The following TRPC5 variants were observed in gnomAD, a reference collection of about 807,000 sequenced individuals.
TRPC5 encodes transient receptor potential cation channel subfamily C member 5.
TRPC5 carries 9 observed loss-of-function variants against 56.5 expected under a neutral mutation model. That is an observed-to-expected ratio of 0.16 (90% CI 0.10 to 0.28). The LOEUF (loss-of-function observed/expected upper bound fraction) is 0.28, where lower values mean the gene tolerates loss of function less well. Ranked by LOEUF, TRPC5 falls within the 10% of genes least tolerant of loss-of-function variation. The probability of loss-of-function intolerance (pLI) is 1.00; values close to 1 mark genes in which losing one functional copy is unlikely to be tolerated. For synonymous variants in TRPC5, 282 were observed against 278.5 expected (o/e 1.01, Z -0.13); for missense variants, 469 against 748.9 (o/e 0.63, Z 4.36).
At chrX:112,006,105 C>T (rs1041569307) in intron 1 of TRPC5, among the ~76,000 whole-genome samples, 15 of 111,492 alleles carry the variant, frequency 1.3e-4, no homozygotes, top group Non-Finnish European at 2.6e-4. Context: ...CATCAAGTTG[C>T]TCCCACACTA....
chrX:111,823,328 G>A (rs750551663), intron 7 of TRPC5, among the ~76,000 whole-genome samples: 1 of 111,721 alleles, frequency 9.0e-6, no homozygotes, highest in Non-Finnish European at 1.9e-5. Flanking sequence ...CCCCTGCAGC[G>A]TTTGCAGAGA....
At chrX:111,996,438 T>G (rs1401971408) in intron 1 of TRPC5, among the ~76,000 whole-genome samples, 2 of 111,995 alleles carry the variant, frequency 1.8e-5, no homozygotes, top group African/African-American at 6.5e-5. Context: ...TGCGATGTGG[T>G]GCTGAGAAGA....
At chrX:111,803,359 G>C (rs1248222583) in intron 7 of TRPC5, among the ~76,000 whole-genome samples, 1 of 112,086 alleles carries the variant, frequency 8.9e-6, no homozygotes, top group African/African-American at 3.2e-5. Flanking sequence ...ATAATCCTTT[G>C]GGTATATACC....
intron 3 of TRPC5, among the ~76,000 whole-genome samples, chrX:111,878,138 A>T (rs1033053861): frequency 9.9e-5 from 11 of 110,647 alleles, no homozygotes; most frequent in African/African-American, 3.6e-4. Flanking sequence ...CTCTTCTTGG[A>T]AGTTTTCCTG....
intron 7 of TRPC5, among the ~76,000 whole-genome samples, chrX:111,803,000 T>C (rs1426803388): frequency 9.0e-6 from 1 of 111,171 alleles, no homozygotes; most frequent in Non-Finnish European, 1.9e-5. Context: ...TTTCTCCTAA[T>C]GCTATCCCTC....
At chrX:111,929,837 A>G (rs935720652) in intron 2 of TRPC5, among the ~76,000 whole-genome samples, 11 of 112,436 alleles carry the variant, frequency 9.8e-5, no homozygotes, top group Non-Finnish European at 1.5e-4. Context: ...CCAACAGTTG[A>G]GGGATGAAGT....
chrX:111,796,333 T>G (rs1921091693), intron 7 of TRPC5, among the ~76,000 whole-genome samples: 1 of 112,070 alleles, frequency 8.9e-6, no homozygotes, highest in Admixed American at 9.5e-5. Context: ...ATCCAACTTC[T>G]TGGCTTCCTC....
At chrX:111,954,271 A>C (rs1264069175) in intron 1 of TRPC5, among the ~76,000 whole-genome samples, 1 of 112,171 alleles carries the variant, frequency 8.9e-6, no homozygotes, top group Non-Finnish European at 1.9e-5. Flanking sequence ...CTATTTATTT[A>C]ATCAATACAA....
rs1926760798 is a variant in TRPC5, at chrX:111,940,933, A to G, written c.378+11110T>C. Among the ~76,000 whole-genome samples, 8 of 111,425 alleles carry G rather than the reference A, an allele frequency of 7.2e-5. No homozygotes were observed. The Admixed American group carries it at 7.7e-4, about 11-fold the overall frequency. On this transcript the variant is annotated intron_variant, in intron 2 of 10. Coordinates refer to ENST00000262839, the MANE Select transcript of TRPC5 (RefSeq NM_012471.3). ...GTCCTGGTGGGTTTACAGAGGCTGC[A>G]CACTTGAGTGTCTTGATGTCCCCGC...
At chrX:111,960,973 G>A (rs1044147493) in intron 1 of TRPC5, among the ~76,000 whole-genome samples, 11 of 110,517 alleles carry the variant, frequency 1.0e-4, no homozygotes, top group African/African-American at 3.0e-4. Flanking sequence ...TACTATGCCC[G>A]GCTAAGTTTT....
chrX:112,009,210 C>G (rs7053062), intron 1 of TRPC5, among the ~76,000 whole-genome samples: 18,007 of 111,086 alleles, frequency 0.16, 2,363 homozygotes, highest in African/African-American at 0.44. Context: ...CCATGTGTCA[C>G]GTTTGAGTTG....
rs148873098 is a variant in TRPC5, at chrX:111,854,165, A to T, written c.901-59T>A. Reference sequence around the variant, plus strand: ...AATGTCCAGGAGAAAGTCTACTGTCATAATACCTTTCCTAGTTTACAGTCA... The same window carrying T: ...AATGTCCAGGAGAAAGTCTACTGTCTTAATACCTTTCCTAGTTTACAGTCA... On this transcript the variant is annotated intron_variant, in intron 3 of 10. Transcript: ENST00000262839. 3.2e-3 allele frequency: 3,494 copies of T among 1,090,600 alleles called. 68 individuals carry two copies. In the African/African-American group the frequency reaches 0.057, roughly 18 times the overall value. The allele number at this position is 1,090,600 out of a possible 1,213,427, so 89.9% of individuals were successfully genotyped here. A position where few individuals can be genotyped will look rare whatever the true frequency, so the allele number is the denominator to read the frequency against.
chrX:111,781,128 A>G (rs1231641628), intron 9 of TRPC5, 37 bp downstream of exon 9: 1 of 1,189,954 alleles, frequency 8.4e-7, no homozygotes, highest in African/African-American at 1.8e-5. Flanking sequence ...GAACCAGCCA[A>G]CAACTATTGT....
chrX:111,932,950 G>A (rs186625362), intron 2 of TRPC5, among the ~76,000 whole-genome samples: 2 of 111,571 alleles, frequency 1.8e-5, no homozygotes, highest in East Asian at 2.8e-4. Flanking sequence ...TTCCACTCCC[G>A]ACATCATTGT....
chrX:111,839,248 C>T (rs1348233853), intron 6 of TRPC5, among the ~76,000 whole-genome samples: 3 of 111,672 alleles, frequency 2.7e-5, no homozygotes, highest in Non-Finnish European at 1.9e-5. Flanking sequence ...GAAGCCCCAC[C>T]TCCTCTAGAA....
intron 1 of TRPC5, among the ~76,000 whole-genome samples, chrX:112,078,814 C>G (rs1050486290): frequency 2.7e-5 from 3 of 111,964 alleles, no homozygotes; most frequent in Non-Finnish European, 5.6e-5. Flanking sequence ...AGGAATCATT[C>G]CTTGCTGGCA....
chrX:111,810,958 G>A (rs1401952469), intron 7 of TRPC5, among the ~76,000 whole-genome samples: 1 of 111,416 alleles, frequency 9.0e-6, no homozygotes, highest in Non-Finnish European at 1.9e-5. Context: ...ATATGACAAA[G>A]CAATAAAAAA....
intron 7 of TRPC5, among the ~76,000 whole-genome samples, chrX:111,828,421 G>A (rs929420275): frequency 3.6e-5 from 4 of 111,912 alleles, no homozygotes; most frequent in Admixed American, 9.5e-5. Flanking sequence ...CTCTCCTGCT[G>A]CCCTGTGAAG....
chrX:111,976,965 T>A (rs193048813), intron 1 of TRPC5, among the ~76,000 whole-genome samples: 1,338 of 110,799 alleles, frequency 0.012, 61 homozygotes, highest in Admixed American at 0.1. Flanking sequence ...GCACTGAAAA[T>A]CATAAAATAT....
Sources: gnomAD v4.1 joint callset for allele counts (sites outside exome capture counted in the v4.1 genomes callset) on GRCh38, gnomAD v4.1.1 for gene constraint, MANE v1.5 for transcripts, NCBI Gene and HGNC (gene_info 2026-07-23, HGNC 2026-07-21) for gene names.